GPC6: variants seen among roughly 807,000 people sequenced by gnomAD.
GPC6 encodes glypican 6, also known as glypican-6.
Under a neutral mutation model 55.2 loss-of-function variants are expected in GPC6, and 14 were observed. The observed-to-expected ratio is 0.25, with a 90% confidence interval of 0.17 to 0.40. The LOEUF is 0.40. Ranked by LOEUF, GPC6 falls within the 10% of genes least tolerant of loss-of-function variation. The pLI, the probability that GPC6 is intolerant of heterozygous loss-of-function variation, is 1.00. For synonymous variants in GPC6, 278 were observed against 259.6 expected (o/e 1.07, Z -0.68); for missense variants, 641 against 708.5 (o/e 0.90, Z 1.08).
intron 1 of GPC6, among the ~76,000 whole-genome samples, chr13:93,313,174 C>G (rs1174248161): frequency 6.6e-6 from 1 of 152,148 alleles, no homozygotes; most frequent in Non-Finnish European, 1.5e-5. Context: ...CACATCATAA[C>G]TGCCAGGATC....
At chr13:94,273,341 G>A (rs564327116) in intron 4 of GPC6, among the ~76,000 whole-genome samples, 366 of 152,296 alleles carry the variant, frequency 2.4e-3, no homozygotes, top group Non-Finnish European at 4.1e-3. Flanking sequence ...AGTAACTCAA[G>A]TGAAATGTGC....
intron 3 of GPC6, among the ~76,000 whole-genome samples, chr13:93,969,009 C>T (rs1229383088): frequency 6.6e-6 from 1 of 152,144 alleles, no homozygotes; most frequent in East Asian, 1.9e-4. Flanking sequence ...CTGAAGATAA[C>T]AGTTTCTTAC....
At chr13:93,968,174 G>T (rs1311570336) in intron 3 of GPC6, among the ~76,000 whole-genome samples, 4 of 152,138 alleles carry the variant, frequency 2.6e-5, no homozygotes, top group Non-Finnish European at 5.9e-5. Flanking sequence ...ATTGTTAGAA[G>T]AAATGAAAGG....
At chr13:93,889,279 G>C (rs1875524349) in intron 3 of GPC6, among the ~76,000 whole-genome samples, 1 of 151,974 alleles carries the variant, frequency 6.6e-6, no homozygotes, top group African/African-American at 2.4e-5. Context: ...TCTATAATCA[G>C]GAGGCCTGGA....
In GPC6 at chr13:93,719,682, C is replaced by A. The variant is rs534198158; in HGVS notation, c.320-110472C>A. Among the ~76,000 whole-genome samples the A allele has an allele frequency of 9.9e-5, 15 of 152,178 alleles. No individual in the cohort carries two copies. In the East Asian group the frequency reaches 2.9e-3, roughly 29 times the overall value. On this transcript the variant is annotated intron_variant, in intron 2 of 8. Transcript: ENST00000377047. ...GTGCCAGTTTTCAAAGGGAATGCTTCCAGCTTTTCCCCATTCAGTATGATA... is the reference window on the plus strand; with the variant it reads ...GTGCCAGTTTTCAAAGGGAATGCTTACAGCTTTTCCCCATTCAGTATGATA...
rs113263600 is a variant in GPC6 at position 93,613,530 on chromosome 13, A to C, written c.319+68109A>C. Among the ~76,000 whole-genome samples, 1,278 of 139,972 alleles carry C rather than the reference A, an allele frequency of 9.1e-3. 22 individuals are homozygous for C. Among genetic ancestry groups the C allele is most frequent in the African/African-American group, 0.035 (1,194 of 33,986 alleles). The allele number at this position is 139,972 out of a possible 152,430, so 91.8% of individuals were successfully genotyped here. A position where few individuals can be genotyped will look rare whatever the true frequency, so the allele number is the denominator to read the frequency against. On this transcript the variant is annotated intron_variant, in intron 2 of 8. Coordinates refer to ENST00000377047, the MANE Select transcript of GPC6 (RefSeq NM_005708.5). ...AGCAAACACACACACACACACACAA[A>C]ACACACACACACACACACACACACA...
chr13:93,285,661 TG>T (rs1878099409), intron 1 of GPC6, among the ~76,000 whole-genome samples: 1 of 146,432 alleles, frequency 6.8e-6, no homozygotes, highest in African/African-American at 2.5e-5. Context: ...TGTGTGTGTG[TG>T]TATGTGTTTG....
At chr13:93,288,646 T>C (rs1263810156) in intron 1 of GPC6, among the ~76,000 whole-genome samples, 1 of 152,234 alleles carries the variant, frequency 6.6e-6, no homozygotes, top group East Asian at 1.9e-4. Context: ...TATCACTTCG[T>C]ATTACTTTAT....
In GPC6 at chr13:93,691,803, C is replaced by T. The variant is rs1196825806; in HGVS notation, c.320-138351C>T. ...AAACTTTAAAAAGGATCTTATATGC[C>T]GTGATATATTGTTAAATTTAACTTG... On this transcript the variant is annotated intron_variant, in intron 2 of 8. Coordinates refer to ENST00000377047, the MANE Select transcript of GPC6 (RefSeq NM_005708.5). 4.0e-5 allele frequency among the ~76,000 whole-genome samples: 6 copies of T among 151,740 alleles called. No individual in the cohort carries two copies. The South Asian group carries it at 6.2e-4, about 16-fold the overall frequency.
chr13:93,959,268 T>C (rs1039714210), intron 3 of GPC6, among the ~76,000 whole-genome samples: 2 of 152,010 alleles, frequency 1.3e-5, no homozygotes, highest in Admixed American at 1.3e-4. Context: ...GTTCAAGCGA[T>C]TCTCCTGCCT....
intron 1 of GPC6, among the ~76,000 whole-genome samples, chr13:93,291,144 G>GA (rs772487646): frequency 7.2e-4 from 109 of 152,270 alleles, no homozygotes; most frequent in South Asian, 4.8e-3. Context: ...CAGGCAGACT[G>GA]ACATTTAGAC....
intron 3 of GPC6, among the ~76,000 whole-genome samples, chr13:93,976,552 G>A (rs748476600): frequency 2.0e-5 from 3 of 151,360 alleles, no homozygotes; most frequent in Admixed American, 1.3e-4. Flanking sequence ...TTACAGCTGC[G>A]GTCTGAAGAA....
chr13:93,887,224 G>A (rs1280234650), intron 3 of GPC6, among the ~76,000 whole-genome samples: 1 of 151,868 alleles, frequency 6.6e-6, no homozygotes, highest in Non-Finnish European at 1.5e-5. Flanking sequence ...TTTTAACATA[G>A]CAATAAAATG....
chr13:94,303,364 T>A (rs1490009788), intron 5 of GPC6, among the ~76,000 whole-genome samples: 1 of 152,192 alleles, frequency 6.6e-6, no homozygotes, highest in Non-Finnish European at 1.5e-5. Flanking sequence ...GGGTGTGAGC[T>A]AAGTTGCAAG....
At chr13:93,683,920 G>T (rs1245496023) in intron 2 of GPC6, among the ~76,000 whole-genome samples, 1 of 152,056 alleles carries the variant, frequency 6.6e-6, no homozygotes. Context: ...TCCTCTTCCA[G>T]GTTGCATGCT....
At chr13:93,290,367 A>T (rs1178119035) in intron 1 of GPC6, among the ~76,000 whole-genome samples, 2 of 152,152 alleles carry the variant, frequency 1.3e-5, no homozygotes, top group Non-Finnish European at 2.9e-5. Flanking sequence ...AAATTCAGTG[A>T]TAATATGCAC....
chr13:93,479,280 C>T (rs1303542698), intron 1 of GPC6, among the ~76,000 whole-genome samples: 1 of 152,054 alleles, frequency 6.6e-6, no homozygotes, highest in Non-Finnish European at 1.5e-5. Flanking sequence ...GAAGGGCAAG[C>T]TCGATTTGAC....
At chr13:93,650,276 C>A (rs1880351083) in intron 2 of GPC6, among the ~76,000 whole-genome samples, 1 of 152,040 alleles carries the variant, frequency 6.6e-6, no homozygotes, top group Admixed American at 6.5e-5. Context: ...ATAGATGGAT[C>A]TAAATAATTG....
At chr13:93,409,462 C>T (rs1443793195) in intron 1 of GPC6, among the ~76,000 whole-genome samples, 5 of 152,270 alleles carry the variant, frequency 3.3e-5, no homozygotes, top group East Asian at 1.9e-4. Flanking sequence ...CACACTTCCT[C>T]GCTCTTGGAC....
Sources: gnomAD v4.1 joint callset for allele counts (sites outside exome capture counted in the v4.1 genomes callset) on GRCh38, gnomAD v4.1.1 for gene constraint, MANE v1.5 for transcripts, NCBI Gene and HGNC (gene_info 2026-07-23, HGNC 2026-07-21) for gene names.